SOBP: variants seen among roughly 807,000 people sequenced by gnomAD.
SOBP encodes the protein sine oculis binding protein homolog, also known as sine oculis-binding protein homolog.
Under a neutral mutation model 53.6 loss-of-function variants are expected in SOBP, and 4 were observed. The observed-to-expected ratio is 0.07, with a 90% CI of 0.04 to 0.17. The LOEUF is 0.17. Ranked by LOEUF, SOBP falls within the 10% of genes least tolerant of loss-of-function variation. SOBP has a pLI of 1.00. For missense variants in SOBP, 1,088 were observed against 1,204.7 expected, an observed-to-expected ratio of 0.90 and a Z score of 1.43; for synonymous variants, 584 against 522.6, an observed-to-expected ratio of 1.12 and a Z score of -1.60.
intron 5 of SOBP, among the ~76,000 whole-genome samples, chr6:107,630,551 C>T (rs1482658254): frequency 6.6e-6 from 1 of 152,092 alleles, no homozygotes; most frequent in Non-Finnish European, 1.5e-5. Flanking sequence ...ATGATATAGC[C>T]ATTTGTGCCA....
At position 107,649,953 on chromosome 6, in the gene SOBP, C is replaced by G. The variant is rs190883209; in HGVS notation, c.*4-8254C>G. Among the ~76,000 whole-genome samples, 295 of 152,312 alleles carry G rather than the reference C, an allele frequency of 1.9e-3. 3 individuals are homozygous for G. Among genetic ancestry groups the G allele is most frequent in the East Asian group, 0.012 (62 of 5,188 alleles). ...ATGACCACTTATAAGAAAAAACAGA[C>G]TGCTCTCCCCTAACCCATAGAACCA... On this transcript the variant is annotated intron_variant, in intron 6 of 6. Coordinates refer to ENST00000317357, the MANE Select transcript of SOBP (RefSeq NM_018013.4).
intron 3 of SOBP, chr6:107,513,986 A>G (rs1783245401): frequency 6.6e-6 from 1 of 152,622 alleles, no homozygotes. Context: ...AGAAAAGTTG[A>G]GCAACTTGCC....
rs138069082 is a variant in SOBP at position 107,570,285 on chromosome 6, T to C, written c.574-16795T>C. On this transcript the variant is annotated intron_variant, in intron 4 of 6. Transcript: ENST00000317357. ...TGATGAGATTTATTTCATGATAAGT[T>C]TTTAAAAAGAGTGAAGGCTATAAAA... Among the ~76,000 whole-genome samples the C allele has an allele frequency of 8.1e-4, 123 of 152,324 alleles. 1 individual carries two copies. Among genetic ancestry groups the C allele is most frequent in the African/African-American group, 3.0e-3 (123 of 41,562 alleles).
intron 4 of SOBP, among the ~76,000 whole-genome samples, chr6:107,578,974 A>G (rs1785321773): frequency 6.6e-6 from 1 of 152,152 alleles, no homozygotes; most frequent in Non-Finnish European, 1.5e-5. Context: ...CCTTCTGCCT[A>G]GTGATTTCAG....
At position 107,633,685 on chromosome 6, in the gene SOBP, C is replaced by T. The variant is rs1326224693; in HGVS notation, c.841C>T (p.Pro281Ser). 2 of 1,614,112 alleles carry T rather than the reference C, an allele frequency of 1.2e-6. No homozygotes were observed. Among genetic ancestry groups the T allele is most frequent in the Non-Finnish European group, 8.5e-7 (1 of 1,180,052 alleles). ...LPAGLCSTLH[P>S]PMENKAEGTG... is the part of the protein sequence containing the mutation. ...AGCTGGGCTGTGCAGCACATTACACCCTCCCATGGAAAATAAAGCAGAAGG... is the reference window on the plus strand; with the variant it reads ...AGCTGGGCTGTGCAGCACATTACACTCTCCCATGGAAAATAAAGCAGAAGG... Residue 281 changes from proline (P) to serine (S), a missense_variant, in exon 6 of 7, where the codon CCT (proline) becomes TCT (serine). By Grantham distance (74) the Pro-to-Ser change is moderately conservative. Around this residue, in one of 6 missense-constraint regions of SOBP, gnomAD observed 211 missense variants for 258.9 expected, o/e 0.82. Transcript: ENST00000317357.
intron 3 of SOBP, among the ~76,000 whole-genome samples, chr6:107,531,613 T>C (rs572554539): frequency 6.7e-6 from 1 of 149,090 alleles, no homozygotes; most frequent in South Asian, 2.1e-4. Flanking sequence ...CTTGCTTTTA[T>C]TTATTTATTT....
In SOBP at chr6:107,503,752, C is replaced by T. The variant is rs1562575633; in HGVS notation, c.192C>T (p.Tyr64=). The T allele has an allele frequency of 6.2e-7, 1 of 1,614,150 alleles. No homozygotes were observed. The change falls in exon 2 of 7, where the codon TAC becomes TAT. Residue 64 remains tyrosine, a synonymous_variant. Coordinates refer to ENST00000317357, the MANE Select transcript of SOBP (RefSeq NM_018013.4). The part of the protein sequence containing the change: ...KDGEDIEFRS[Y]PTDGESRQHI... ...GTGAGGATATTGAATTCAGGAGCTA[C>T]CCTACAGATGGGGAGAGCCGGCAGC...
At chr6:107,530,784 A>G (rs1783800238) in intron 3 of SOBP, among the ~76,000 whole-genome samples, 1 of 152,202 alleles carries the variant, frequency 6.6e-6, no homozygotes, top group East Asian at 1.9e-4. Context: ...ATCATTCTAG[A>G]AGTTTTTCCA....
At chr6:107,575,944 T>G (rs1583228995) in intron 4 of SOBP, among the ~76,000 whole-genome samples, 1 of 152,174 alleles carries the variant, frequency 6.6e-6, no homozygotes, top group South Asian at 2.1e-4. Flanking sequence ...ATGGCTGGGG[T>G]TTGAAACAAA....
chr6:107,587,202 C>A, intron 5 of SOBP, 27 bp downstream of exon 5: 1 of 1,566,648 alleles, frequency 6.4e-7, no homozygotes, highest in Non-Finnish European at 8.8e-7. Context: ...TACAACAAGT[C>A]TAGAATGTTA....
At chr6:107,655,297 G>A (rs1226276021) in intron 6 of SOBP, among the ~76,000 whole-genome samples, 1 of 152,078 alleles carries the variant, frequency 6.6e-6, no homozygotes, top group Non-Finnish European at 1.5e-5. Flanking sequence ...GCCCAAGCTT[G>A]GTTCTTCATT....
Position 107,555,890 on chromosome 6 carries a change from C to A in SOBP, c.573+22280C>A, listed in dbSNP as rs562912588. Among the ~76,000 whole-genome samples the A allele has an allele frequency of 4.2e-4, 64 of 152,290 alleles. No homozygotes were observed. In the South Asian group the frequency reaches 0.013, roughly 31 times the overall value. On this transcript the variant is annotated intron_variant, in intron 4 of 6. Transcript: ENST00000317357. ...ATTTGCTTTTGTCTCCTCAAGAACTCTCTTGGGTTGTTTTGGAAGATATTC... is the reference window on the plus strand; with the variant it reads ...ATTTGCTTTTGTCTCCTCAAGAACTATCTTGGGTTGTTTTGGAAGATATTC...
intron 5 of SOBP, among the ~76,000 whole-genome samples, chr6:107,626,462 A>C (rs1450904603): frequency 6.6e-6 from 1 of 152,236 alleles, no homozygotes; most frequent in Non-Finnish European, 1.5e-5. Flanking sequence ...CTTAAGCTTC[A>C]GTTTGAAGCA....
rs1051935677 is a variant in SOBP at position 107,543,702 on chromosome 6, T to G, written c.573+10092T>G. Reference sequence around the variant, plus strand: ...GGTTAATTCATGAGGCTGAATTCTTTACACGATGGATGTGTCATGCCTGTC... The same window carrying G: ...GGTTAATTCATGAGGCTGAATTCTTGACACGATGGATGTGTCATGCCTGTC... On this transcript the variant is annotated intron_variant, in intron 4 of 6. Transcript: ENST00000317357. 5.3e-5 allele frequency among the ~76,000 whole-genome samples: 8 copies of G among 152,298 alleles called. No homozygotes were observed. The East Asian group carries it at 1.2e-3, about 22-fold the overall frequency.
At chr6:107,532,451 T>A (rs377146100) in intron 3 of SOBP, among the ~76,000 whole-genome samples, 4 of 152,092 alleles carry the variant, frequency 2.6e-5, no homozygotes. Context: ...ATCACCATCA[T>A]AATGTTTGTC....
chr6:107,619,063 A>G (rs1583279112), intron 5 of SOBP, among the ~76,000 whole-genome samples: 2 of 152,176 alleles, frequency 1.3e-5, no homozygotes, highest in East Asian at 3.9e-4. Flanking sequence ...GAGCCTGTTA[A>G]CATGCGGAGG....
chr6:107,627,227 T>C (rs1379246913), intron 5 of SOBP, among the ~76,000 whole-genome samples: 1 of 152,176 alleles, frequency 6.6e-6, no homozygotes, highest in African/African-American at 2.4e-5. Context: ...TTCTGAATCA[T>C]GTGTTTGGCT....
intron 5 of SOBP, among the ~76,000 whole-genome samples, chr6:107,588,079 G>A (rs1785622852): frequency 6.6e-6 from 1 of 152,208 alleles, no homozygotes; most frequent in African/African-American, 2.4e-5. Context: ...AACACTGAAA[G>A]AGAATGAGGA....
chr6:107,575,816 A>T (rs1785208523), intron 4 of SOBP, among the ~76,000 whole-genome samples: 1 of 152,200 alleles, frequency 6.6e-6, no homozygotes, highest in South Asian at 2.1e-4. Context: ...CTTGATACTC[A>T]GCTGTTGGCT....
Sources: allele counts gnomAD v4.1 joint callset (sites outside exome capture counted in the v4.1 genomes callset), GRCh38; gene constraint gnomAD v4.1.1; regional missense constraint gnomAD v4.1.1; transcripts MANE v1.5; gene names NCBI Gene and HGNC (gene_info 2026-07-23, HGNC 2026-07-21).